Variants in PCOLCE2 observed in about 807,000 individuals in gnomAD.
PCOLCE2 encodes procollagen C-endopeptidase enhancer 2, also known as procollagen C-proteinase enhancer 2.
A neutral mutation model predicts 47.0 loss-of-function variants in PCOLCE2; 42 were observed. The observed-to-expected ratio is 0.89, with a 90% confidence interval of 0.70 to 1.16. The LOEUF is 1.16. Among genes scored for constraint, PCOLCE2 ranks in the 50% most tolerant of loss-of-function variants. The pLI is 0.00. For synonymous variants in PCOLCE2, 169 were observed against 191.7 expected (o/e 0.88, Z 0.98); for missense variants, 500 against 526.1 (o/e 0.95, Z 0.49).
intron 5 of PCOLCE2, among the ~76,000 whole-genome samples, chr3:142,832,708 G>A (rs1427007425): frequency 1.3e-5 from 2 of 152,034 alleles, no homozygotes; most frequent in Non-Finnish European, 2.9e-5. Flanking sequence ...TATTCCAGGT[G>A]CCCAGCACAC....
intron 2 of PCOLCE2, among the ~76,000 whole-genome samples, chr3:142,878,262 C>G (rs977911072): frequency 2.0e-5 from 3 of 152,166 alleles, no homozygotes; most frequent in Non-Finnish European, 2.9e-5. Flanking sequence ...CAACTCCCCA[C>G]TTCTCTGTGG....
intron 2 of PCOLCE2, among the ~76,000 whole-genome samples, chr3:142,872,580 A>G (rs928621573): frequency 3.3e-5 from 5 of 152,208 alleles, no homozygotes; most frequent in Admixed American, 3.3e-4. Flanking sequence ...TTTGTTGTAT[A>G]AATCGAATAA....
intron 3 of PCOLCE2, chr3:142,846,635 A>G (rs948053960): frequency 1.3e-5 from 2 of 152,118 alleles, no homozygotes; most frequent in African/African-American, 2.4e-5. Flanking sequence ...ATATTGTCTC[A>G]CTGGTTTCTC....
rs374311846 is a variant in PCOLCE2 at position 142,821,035 on chromosome 3, G to T, written c.960C>A (p.Gly320=). The T allele has an allele frequency of 3.1e-6, 5 of 1,608,262 alleles. No homozygotes were observed. The East Asian group carries it at 1.1e-4, about 36-fold the overall frequency. ...NYCSSDFVLA[G]TVITTITRDG... ...CGCGAGTGATGGTTGTGATAACAGT[G>T]CCGGCTAATACTGCAGAAGAAAACA... The change falls in exon 8 of 9, where the codon GGC becomes GGA. Residue 320 remains glycine (G), a synonymous_variant. Transcript: ENST00000295992.
At chr3:142,871,319 T>G (rs971291571) in intron 2 of PCOLCE2, among the ~76,000 whole-genome samples, 5 of 152,326 alleles carry the variant, frequency 3.3e-5, no homozygotes, top group Admixed American at 2.0e-4. Flanking sequence ...CTTCCATTCT[T>G]GCACCCTATG....
intron 2 of PCOLCE2, among the ~76,000 whole-genome samples, chr3:142,853,379 G>C (rs773517019): frequency 1.3e-5 from 2 of 152,110 alleles, no homozygotes; most frequent in African/African-American, 2.4e-5. Context: ...GCTCCCCTCA[G>C]GTCTGTGAGC....
intron 4 of PCOLCE2, among the ~76,000 whole-genome samples, chr3:142,839,604 T>A (rs1264826638): frequency 6.6e-6 from 1 of 152,180 alleles, no homozygotes; most frequent in Non-Finnish European, 1.5e-5. Context: ...TGAGCCACCA[T>A]GCCCAGCCGA....
intron 2 of PCOLCE2, among the ~76,000 whole-genome samples, chr3:142,884,001 C>T (rs1407688028): frequency 6.6e-6 from 1 of 152,172 alleles, no homozygotes; most frequent in Non-Finnish European, 1.5e-5. Context: ...CTAAATTCGC[C>T]TATGTGTCTC....
intron 2 of PCOLCE2, among the ~76,000 whole-genome samples, chr3:142,856,996 G>C (rs1002889583): frequency 6.7e-4 from 101 of 151,804 alleles, no homozygotes; most frequent in Non-Finnish European, 1.5e-5. Context: ...TACACACGGA[G>C]CAATAAATTT....
rs527834562 is a variant in PCOLCE2, at chr3:142,859,205, G to A, written c.193-10733C>T. On this transcript the variant is annotated intron_variant, in intron 2 of 8. Transcript: ENST00000295992. ...AGCCTCCCAAGTAGGTGGGACTACA[G>A]GTGCCCACTATCATGACCAGCTAAT... Among the ~76,000 whole-genome samples, 9 of 152,084 alleles carry A rather than the reference G, an allele frequency of 5.9e-5. No individual in the cohort carries two copies. The South Asian group carries it at 1.0e-3, about 18-fold the overall frequency.
In PCOLCE2 at chr3:142,829,839, C is replaced by T. The variant is rs140721173; in HGVS notation, c.718G>A (p.Val240Met). ...ATAAGAAGTTCATTTCTCTCAGACA[C>T]AATTGGCCTAAAAAAAGAAAAATGT... is the stretch of plus-strand genomic sequence containing the variant. The part of the protein sequence containing the change: ...YCGDSPPAPI[V>M]SERNELLIQF... Residue 240 changes from valine (V) to methionine (M), a missense_variant, in exon 6 of 9, where the codon GTG becomes ATG. Val to Met is a conservative substitution (Grantham distance 21). Transcript: ENST00000295992. 1,155 of 1,563,472 alleles carry T rather than the reference C, an allele frequency of 7.4e-4. 1 individual carries two copies. The highest frequency in any genetic ancestry group is 8.9e-4 in the South Asian group (73 of 82,296).
At chr3:142,861,984 G>A (rs1473785690) in intron 2 of PCOLCE2, among the ~76,000 whole-genome samples, 1 of 152,130 alleles carries the variant, frequency 6.6e-6, no homozygotes, top group East Asian at 1.9e-4. Flanking sequence ...GTGGGGCCGG[G>A]GTCTCACCAT....
At chr3:142,865,981 G>T (rs1933275175) in intron 2 of PCOLCE2, among the ~76,000 whole-genome samples, 2 of 152,212 alleles carry the variant, frequency 1.3e-5, no homozygotes, top group South Asian at 4.1e-4. Context: ...GAACAGAAGA[G>T]AGTCCAGAAA....
rs138042244 is a variant in PCOLCE2, at chr3:142,883,816, T to C, written c.192+3853A>G. Among the ~76,000 whole-genome samples, 219 of 152,312 alleles carry C rather than the reference T, an allele frequency of 1.4e-3. 2 individuals carry two copies. The highest frequency in any genetic ancestry group is 5.0e-3 in the African/African-American group (208 of 41,568). On this transcript the variant is annotated intron_variant, in intron 2 of 8. Transcript: ENST00000295992. Reference sequence around the variant, plus strand: ...AAATATCAAGGAACAGAGGTATTGATGATTTGCCGAGTTTGCAATGAATTT... The same window carrying C: ...AAATATCAAGGAACAGAGGTATTGACGATTTGCCGAGTTTGCAATGAATTT...
At chr3:142,835,446 T>C (rs1261883343) in intron 5 of PCOLCE2, among the ~76,000 whole-genome samples, 1 of 152,208 alleles carries the variant, frequency 6.6e-6, no homozygotes, top group Non-Finnish European at 1.5e-5. Flanking sequence ...TTTATATCCT[T>C]TTATTTTCAA....
chr3:142,863,133 T>A (rs1255441036), intron 2 of PCOLCE2, among the ~76,000 whole-genome samples: 2 of 149,550 alleles, frequency 1.3e-5, no homozygotes. Context: ...ACCATTGTTG[T>A]TTTAATTTCA....
chr3:142,872,075 ACT>A (rs1933400499), intron 2 of PCOLCE2, among the ~76,000 whole-genome samples: 2 of 152,090 alleles, frequency 1.3e-5, no homozygotes, highest in Non-Finnish European at 2.9e-5. Context: ...CCTACAGGAT[ACT>A]GAAAACAGGG....
At chr3:142,834,016 G>A (rs1340449550) in intron 5 of PCOLCE2, among the ~76,000 whole-genome samples, 3 of 151,976 alleles carry the variant, frequency 2.0e-5, no homozygotes, top group Admixed American at 2.0e-4. Flanking sequence ...TTTTCCATAT[G>A]AATAAAAATA....
Position 142,843,056 on chromosome 3 carries a change from T to C in PCOLCE2, c.449-8A>G. 1 of 1,611,416 alleles carries C rather than the reference T, an allele frequency of 6.2e-7. No individual in the cohort carries two copies. The highest frequency in any genetic ancestry group is 2.2e-5 in the East Asian group (1 of 44,858). On this transcript the variant is annotated splice_region_variant and splice_polypyrimidine_tract_variant and intron_variant, in intron 3 of 8. Transcript: ENST00000295992. ...CTCCACAATACTGATCCCCTTCAAG[T>C]ATTAAACAAGGAAAAAAGCCCACAA...
Sources: gnomAD v4.1 joint callset for allele counts (sites outside exome capture counted in the v4.1 genomes callset) on GRCh38, gnomAD v4.1.1 for gene constraint, MANE v1.5 for transcripts, NCBI Gene and HGNC (gene_info 2026-07-23, HGNC 2026-07-21) for gene names.